Variants in DENND11 observed in about 807,000 individuals in gnomAD.
DENND11 encodes the protein DENN domain containing 11, also known as DENN domain-containing protein 11.
A neutral mutation model predicts 49.2 loss-of-function variants in DENND11; 34 were observed. The ratio of observed to expected loss-of-function variants is 0.69; its 90% CI spans 0.53 to 0.92. The LOEUF (loss-of-function observed/expected upper bound fraction) is 0.92. Among genes scored for constraint, DENND11 ranks in the 40% least tolerant of loss-of-function variants. The pLI is 0.00. For synonymous variants in DENND11, 238 were observed against 230.3 expected (o/e 1.03, Z -0.30); for missense variants, 475 against 581.6 (o/e 0.82, Z 1.88).
rs372306652 is a variant in DENND11 at position 141,665,103 on chromosome 7, G to A, written c.953-49C>T. 8 of 1,609,760 alleles carry A rather than the reference G, an allele frequency of 5.0e-6. No homozygotes were observed. The African/African-American group carries it at 1.1e-4, about 22-fold the overall frequency. ...GTGGGAACCCACCCGACCCCACTGG[G>A]AAACAAGGCGCCCAGGAGCCCTGTG... is the stretch of plus-strand genomic sequence containing the variant. On this transcript the variant is annotated intron_variant, in intron 6 of 8. Transcript: ENST00000536163.
At chr7:141,689,134 T>C (rs1414963850) in intron 1 of DENND11, among the ~76,000 whole-genome samples, 1 of 152,148 alleles carries the variant, frequency 6.6e-6, no homozygotes, top group African/African-American at 2.4e-5. Context: ...AAGTATAGCA[T>C]AAGTATAGAA....
rs1203142729 is a variant in DENND11 at position 141,701,888 on chromosome 7, G to A, written c.266C>T (p.Ser89Leu). 8.3e-7 allele frequency: 1 copy of A among 1,201,454 alleles called. No individual in the cohort carries two copies. The highest frequency in any genetic ancestry group is 1.0e-6 in the Non-Finnish European group (1 of 969,278). The allele number at this position is 1,201,454 out of a possible 1,614,324, so 74.4% of individuals were successfully genotyped here. A position where few individuals can be genotyped will look rare whatever the true frequency, so the allele number is the denominator to read the frequency against. The change falls in exon 1 of 9, where the codon TCG becomes TTG. Residue 89 changes from serine (S) to leucine (L), a missense_variant and splice_region_variant. Ser to Leu is a moderately radical substitution (Grantham distance 145, BLOSUM62 -2). Transcript: ENST00000536163. ...AVFVVTFDPR[S>L]GNMVEWCLPQ... is the part of the protein sequence containing the mutation. ...CCTGGCCCCGGCGCGGCCCTCACCC[G>A]AGCGGGGGTCGAAGGTGACCACGAA...
At chr7:141,667,640 C>G (rs550618978) in intron 4 of DENND11, among the ~76,000 whole-genome samples, 1 of 152,156 alleles carries the variant, frequency 6.6e-6, no homozygotes, top group Admixed American at 6.5e-5. Context: ...GGCAAGAGCA[C>G]TTCTGAGAGA....
chr7:141,667,935 TGAG>T (rs1391495005), intron 4 of DENND11, among the ~76,000 whole-genome samples: 1 of 152,182 alleles, frequency 6.6e-6, no homozygotes, highest in Non-Finnish European at 1.5e-5. Flanking sequence ...ACCCAAATCA[TGAG>T]GAGGAGAGGC....
At chr7:141,665,622 C>T (rs544001563) in intron 5 of DENND11, among the ~76,000 whole-genome samples, 11 of 152,052 alleles carry the variant, frequency 7.2e-5, no homozygotes, top group Admixed American at 4.6e-4. Context: ...TTGTGTCTTC[C>T]GGTTCCCCCT....
chr7:141,657,346 A>G lies in DENND11; in HGVS notation c.*5310T>C, dbSNP rs1442417586. 6.6e-6 allele frequency: 1 copy of G among 152,220 alleles called. No homozygotes were observed. The allele number at this position is 152,220 out of a possible 1,614,324, so 9.4% of individuals were successfully genotyped here. On this transcript the variant is annotated 3_prime_UTR_variant, in exon 9 of 9. Coordinates refer to ENST00000536163, the MANE Select transcript of DENND11 (RefSeq NM_001080392.2). Reference sequence around the variant, plus strand: ...GAATCTCCACCATTCTTCACTTGACAGTCTTTGTGGACACGTTAGACCCAA... The same window carrying G: ...GAATCTCCACCATTCTTCACTTGACGGTCTTTGTGGACACGTTAGACCCAA...
At chr7:141,700,191 T>C (rs1205353873) in intron 1 of DENND11, among the ~76,000 whole-genome samples, 3 of 152,244 alleles carry the variant, frequency 2.0e-5, no homozygotes, top group African/African-American at 7.2e-5. Flanking sequence ...GAATGTGCCC[T>C]TTCTATTCCT....
At chr7:141,679,463 A>C (rs1798114693) in intron 3 of DENND11, among the ~76,000 whole-genome samples, 1 of 152,244 alleles carries the variant, frequency 6.6e-6, no homozygotes. Context: ...CTGTAATCCC[A>C]GCACTTTGGG....
intron 3 of DENND11, among the ~76,000 whole-genome samples, chr7:141,677,205 C>T (rs1395150896): frequency 1.3e-5 from 2 of 151,808 alleles, no homozygotes; most frequent in Non-Finnish European, 2.9e-5. Context: ...GTGGGCGGAT[C>T]GCTTGGGGCC....
chr7:141,683,500 G>A (rs1322726795), intron 3 of DENND11, among the ~76,000 whole-genome samples: 6 of 152,206 alleles, frequency 3.9e-5, no homozygotes, highest in East Asian at 1.9e-4. Flanking sequence ...TAAATTAGCC[G>A]GCTGTGGTGG....
intron 1 of DENND11, among the ~76,000 whole-genome samples, chr7:141,689,014 C>T (rs553275551): frequency 6.6e-5 from 10 of 152,336 alleles, no homozygotes; most frequent in East Asian, 1.9e-4. Context: ...TTTACCCACA[C>T]GCCACACATT....
At chr7:141,698,295 T>C (rs974740620) in intron 1 of DENND11, among the ~76,000 whole-genome samples, 1 of 152,232 alleles carries the variant, frequency 6.6e-6, no homozygotes, top group African/African-American at 2.4e-5. Flanking sequence ...AACATTTTAC[T>C]AGAAGCCCAA....
rs116212608 is a variant in DENND11, at chr7:141,674,813, A to G, written c.528-593T>C. Among the ~76,000 whole-genome samples, 609 of 152,336 alleles carry G rather than the reference A, an allele frequency of 4.0e-3. 4 individuals carry two copies. The highest frequency in any genetic ancestry group is 0.014 in the African/African-American group (566 of 41,590). ...GAATCTCTTCTCTGCCCGCTCCACCAGCTCGGGTCACAGAGCCTGGCTGTG... is the reference window on the plus strand; with the variant it reads ...GAATCTCTTCTCTGCCCGCTCCACCGGCTCGGGTCACAGAGCCTGGCTGTG... On this transcript the variant is annotated intron_variant, in intron 3 of 8. Transcript: ENST00000536163.
chr7:141,662,348 C>A lies in DENND11; in HGVS notation c.*308G>T. The A allele has an allele frequency of 3.1e-6, 1 of 318,234 alleles. No homozygotes were observed. The highest frequency in any genetic ancestry group is 5.7e-6 in the Non-Finnish European group (1 of 175,620). 19.7% of individuals were successfully genotyped at this position (318,234 alleles called of 1,614,324 possible). On this transcript the variant is annotated 3_prime_UTR_variant, in exon 9 of 9. Transcript: ENST00000536163. Reference sequence around the variant, plus strand: ...CACAGACTTTCTGAACAGTCCATCCCAATGTTTCCAGAGCTCAGCCTACTC... The same window carrying A: ...CACAGACTTTCTGAACAGTCCATCCAAATGTTTCCAGAGCTCAGCCTACTC...
intron 3 of DENND11, among the ~76,000 whole-genome samples, chr7:141,677,668 G>A (rs1449030608): frequency 6.6e-6 from 1 of 151,602 alleles, no homozygotes; most frequent in Non-Finnish European, 1.5e-5. Context: ...GTATTAAATT[G>A]TACATTGTAC....
intron 3 of DENND11, 94 bp from the exon 4 acceptor site, chr7:141,674,314 A>C: frequency 3.6e-6 from 5 of 1,387,762 alleles, no homozygotes; most frequent in Non-Finnish European, 4.7e-6. Context: ...CGCCCACCTC[A>C]AGGGGCTGTA....
intron 1 of DENND11, 142 bp from the exon 2 acceptor site, chr7:141,686,800 A>C (rs796237036): frequency 2.5e-5 from 16 of 627,776 alleles, no homozygotes; most frequent in African/African-American, 2.4e-4. Context: ...CTCAGAGCTC[A>C]GCCCCTCCAT....
At chr7:141,687,611 C>A (rs1798263358) in intron 1 of DENND11, among the ~76,000 whole-genome samples, 1 of 149,822 alleles carries the variant, frequency 6.7e-6, no homozygotes. Context: ...ATTACAGGCG[C>A]ATACCAGCAC....
At position 141,680,411 on chromosome 7, in the gene DENND11, C is replaced by G. The variant is rs143687826; in HGVS notation, c.527+5067G>C. ...ATACATGAGAAATGAACTGTGATTACTGAGATTATTTGGATGGATATGGGA... is the reference window on the plus strand; with the variant it reads ...ATACATGAGAAATGAACTGTGATTAGTGAGATTATTTGGATGGATATGGGA... On this transcript the variant is annotated intron_variant, in intron 3 of 8. Transcript: ENST00000536163. Among the ~76,000 whole-genome samples, 204 of 152,152 alleles carry G rather than the reference C, an allele frequency of 1.3e-3. 1 individual carries two copies. Among genetic ancestry groups the G allele is most frequent in the African/African-American group, 4.4e-3 (184 of 41,516 alleles).
Sources: gnomAD v4.1 joint callset for allele counts (sites outside exome capture counted in the v4.1 genomes callset) on GRCh38, gnomAD v4.1.1 for gene constraint, MANE v1.5 for transcripts, NCBI Gene and HGNC (gene_info 2026-07-23, HGNC 2026-07-21) for gene names.